The following CPNE8 variants were observed in gnomAD, a reference collection of about 807,000 sequenced individuals.
The protein encoded by CPNE8 is copine-8.
Under a neutral mutation model 81.5 loss-of-function variants are expected in CPNE8, and 45 were observed. That is an observed-to-expected ratio of 0.55 (90% CI 0.44 to 0.71). CPNE8 has a LOEUF of 0.71. Ranked by LOEUF, CPNE8 falls within the 30% of genes least tolerant of loss-of-function variation. CPNE8 has a pLI of 0.00. For missense variants in CPNE8, 594 were observed against 672.1 expected (o/e 0.88, Z 1.28); for synonymous variants, 252 against 226.3 (o/e 1.11, Z -1.02).
chr12:38,697,039 C>T (rs986031535), intron 14 of CPNE8, among the ~76,000 whole-genome samples: 2 of 152,060 alleles, frequency 1.3e-5, no homozygotes, highest in African/African-American at 2.4e-5. Context: ...AGAGTGAGAT[C>T]CCCCATCTCA....
At chr12:38,881,427 TG>T (rs967286473) in intron 1 of CPNE8, among the ~76,000 whole-genome samples, 1 of 152,146 alleles carries the variant, frequency 6.6e-6, no homozygotes, top group African/African-American at 2.4e-5. Flanking sequence ...TCTGGTAGCC[TG>T]AATATACAGC....
At chr12:38,709,685 A>G (rs1253480406) in intron 13 of CPNE8, among the ~76,000 whole-genome samples, 3 of 152,188 alleles carry the variant, frequency 2.0e-5, no homozygotes, top group Non-Finnish European at 4.4e-5. Context: ...TGGATTGTAT[A>G]ATGCTTATCA....
At chr12:38,669,299 G>T (rs971294262) in intron 19 of CPNE8, among the ~76,000 whole-genome samples, 6 of 151,416 alleles carry the variant, frequency 4.0e-5, no homozygotes, top group African/African-American at 9.7e-5. Flanking sequence ...AATTATTTTT[G>T]ATCTTTATCA....
chr12:38,706,887 G>A (rs1940120215), intron 13 of CPNE8, among the ~76,000 whole-genome samples: 1 of 152,210 alleles, frequency 6.6e-6, no homozygotes. Flanking sequence ...CTTCCTAGAA[G>A]CACTGGTTGC....
rs188934252 is a variant in CPNE8, at chr12:38,829,300, A to G, written c.407+79T>C. On this transcript the variant is annotated intron_variant, in intron 6 of 19. Transcript: ENST00000331366. ...TAAAACCCACTTTTGCTCCACAACC[A>G]TGCATTCACCAATTCCAAACTGACA... The G allele has an allele frequency of 3.8e-4, 350 of 913,770 alleles. 2 individuals carry two copies. In the African/African-American group the frequency reaches 4.8e-3, roughly 13 times the overall value. The allele number at this position is 913,770 out of a possible 1,614,324, so 56.6% of individuals were successfully genotyped here. A position where few individuals can be genotyped will look rare whatever the true frequency, so the allele number is the denominator to read the frequency against.
At chr12:38,881,849 A>G (rs1399628868) in intron 1 of CPNE8, among the ~76,000 whole-genome samples, 9 of 152,208 alleles carry the variant, frequency 5.9e-5, no homozygotes, top group East Asian at 1.9e-4. Context: ...AAAGATACAG[A>G]ATGCAATTCC....
intron 1 of CPNE8, among the ~76,000 whole-genome samples, chr12:38,897,186 C>G (rs1331124433): frequency 6.6e-6 from 1 of 152,096 alleles, no homozygotes; most frequent in Non-Finnish European, 1.5e-5. Flanking sequence ...TCTCATTAAT[C>G]TCTAAATGCA....
chr12:38,785,504 G>A (rs895515021), intron 6 of CPNE8, among the ~76,000 whole-genome samples: 1 of 152,138 alleles, frequency 6.6e-6, no homozygotes, highest in Admixed American at 6.5e-5. Context: ...CTGTTCTTGT[G>A]ATAGTGAATA....
At chr12:38,745,614 C>T (rs752137500) in intron 10 of CPNE8, among the ~76,000 whole-genome samples, 1 of 152,172 alleles carries the variant, frequency 6.6e-6, no homozygotes, top group African/African-American at 2.4e-5. Context: ...GTGATCACAG[C>T]TCATTGCAGC....
chr12:38,890,842 G>T (rs1254622657), intron 1 of CPNE8, among the ~76,000 whole-genome samples: 1 of 150,582 alleles, frequency 6.6e-6, no homozygotes, highest in African/African-American at 2.4e-5. Flanking sequence ...CTTTTTTTGG[G>T]TAGTATTCAT....
chr12:38,734,649 C>G (rs146686337), intron 10 of CPNE8, among the ~76,000 whole-genome samples: 1 of 152,102 alleles, frequency 6.6e-6, no homozygotes, highest in African/African-American at 2.4e-5. Flanking sequence ...GTCCTTAAGT[C>G]TTCACCTTAA....
intron 13 of CPNE8, among the ~76,000 whole-genome samples, chr12:38,707,269 G>C (rs1329814229): frequency 2.0e-5 from 3 of 152,080 alleles, no homozygotes; most frequent in African/African-American, 7.2e-5. Flanking sequence ...AGCTATACTT[G>C]CACTGCTGCA....
At chr12:38,703,809 C>T (rs1185507322) in intron 13 of CPNE8, among the ~76,000 whole-genome samples, 1 of 152,004 alleles carries the variant, frequency 6.6e-6, no homozygotes, top group Non-Finnish European at 1.5e-5. Context: ...AATGTTCAAG[C>T]TGAGGGCCAA....
intron 10 of CPNE8, among the ~76,000 whole-genome samples, chr12:38,746,025 T>C (rs988811688): frequency 6.6e-6 from 1 of 152,084 alleles, no homozygotes; most frequent in Admixed American, 6.6e-5. Flanking sequence ...CATGCATACC[T>C]CCAGTTAAAA....
chr12:38,683,218 T>C (rs891687125), intron 16 of CPNE8, among the ~76,000 whole-genome samples: 2 of 152,068 alleles, frequency 1.3e-5, no homozygotes, highest in African/African-American at 4.8e-5. Flanking sequence ...TTAAAATGCT[T>C]CTAGAAAATG....
Position 38,874,459 on chromosome 12 carries a change from A to G in CPNE8, c.139+12T>C, listed in dbSNP as rs1418628459. The G allele has an allele frequency of 1.9e-6, 3 of 1,593,140 alleles. No homozygotes were observed. The highest frequency in any genetic ancestry group is 1.7e-4 in the Middle Eastern group (1 of 5,962). On this transcript the variant is annotated intron_variant, in intron 2 of 19. Transcript: ENST00000331366. The stretch of plus-strand genomic sequence containing the variant: ...CAAATGATTTTTCAAAAGGCAAGCA[A>G]TACATACTTACTTGGATCAGATTTA...
intron 6 of CPNE8, among the ~76,000 whole-genome samples, chr12:38,777,604 A>G (rs1405764788): frequency 6.6e-6 from 1 of 152,192 alleles, no homozygotes; most frequent in East Asian, 1.9e-4. Context: ...TGTAAGCTTC[A>G]TTCATGGTAA....
rs1938754279 is a variant in CPNE8 at position 38,653,656 on chromosome 12, T to C, written c.*226A>G. On this transcript the variant is annotated 3_prime_UTR_variant, in exon 20 of 20. Transcript: ENST00000331366. ...AAGAAAGATTTAGAGAAGACATCCA[T>C]ACTTTGCTTCAAGCATTTAAACAAT... 1 of 307,604 alleles carries C rather than the reference T, an allele frequency of 3.3e-6. No individual in the cohort carries two copies. The highest frequency in any genetic ancestry group is 8.2e-5 in the South Asian group (1 of 12,266). 19.1% of individuals were successfully genotyped at this position (307,604 alleles called of 1,614,324 possible).
chr12:38,906,447 C>A, upstream of CPNE8: 1 of 985,616 alleles, frequency 1.0e-6, no homozygotes, highest in South Asian at 4.7e-5. Context: ...CGACATTCCT[C>A]CTACAGTAAG....
Sources: gnomAD v4.1 joint callset for allele counts (sites outside exome capture counted in the v4.1 genomes callset) on GRCh38, gnomAD v4.1.1 for gene constraint, MANE v1.5 for transcripts, NCBI Gene and HGNC (gene_info 2026-07-23, HGNC 2026-07-21) for gene names.